PTCD1: variants seen among roughly 807,000 people sequenced by gnomAD.
The protein encoded by PTCD1 is pentatricopeptide repeat-containing protein 1, mitochondrial.
In PTCD1, 50 loss-of-function variants were observed where a neutral mutation model predicts 53.4. The observed-to-expected ratio is 0.94, with a 90% confidence interval of 0.75 to 1.19. PTCD1 has a LOEUF of 1.19. Among genes scored for constraint, PTCD1 ranks in the 50% most tolerant of loss-of-function variants. The pLI is 0.00. For synonymous variants in PTCD1, 413 were observed against 394.8 expected, an observed-to-expected ratio of 1.05 and a Z score of -0.55; for missense variants, 918 against 904.8, an observed-to-expected ratio of 1.01 and a Z score of -0.19.
At chr7:99,424,097 A>G in intron 6 of PTCD1, 140 bp from the exon 7 acceptor site, 1 of 1,219,464 alleles carries the variant, frequency 8.2e-7, no homozygotes, top group Non-Finnish European at 1.2e-6. Context: ...AATGTGCTGA[A>G]TATCCCTCTC....
At chr7:99,427,465 G>A (rs1344299093) in intron 5 of PTCD1, among the ~76,000 whole-genome samples, 11 of 143,000 alleles carry the variant, frequency 7.7e-5, no homozygotes, top group East Asian at 2.2e-4. Flanking sequence ...CAGCCGCCCC[G>A]TCCGGGAGGG....
At chr7:99,433,195 G>A in intron 3 of PTCD1, 83 bp downstream of exon 3, 1 of 1,607,664 alleles carries the variant, frequency 6.2e-7, no homozygotes. Flanking sequence ...CCTGCCCAGT[G>A]TAAAGCACTA....
At position 99,419,984 on chromosome 7, in the gene PTCD1, C is replaced by T. The variant is rs146502089; in HGVS notation, c.2086G>A (p.Ala696Thr). The T allele has an allele frequency of 4.2e-5, 67 of 1,614,106 alleles. No homozygotes were observed. The African/African-American group carries it at 8.4e-4, about 20-fold the overall frequency. ...TGCTCCCATCACCTGCCCCCAAGGGCACATCCGTCATCAGCCTCCTTGCCG... is the reference window on the plus strand; with the variant it reads ...TGCTCCCATCACCTGCCCCCAAGGGTACATCCGTCATCAGCCTCCTTGCCG... The part of the protein sequence containing the change: ...DTGKEADDGC[A>T]LGGR The change falls in exon 8 of 8, where the codon GCC (alanine) becomes ACC (threonine). Residue 696 changes from alanine to threonine, a missense_variant. Physicochemically the swap from Ala to Thr is moderately conservative, Grantham distance 58. Transcript: ENST00000292478.
Position 99,429,137 on chromosome 7 carries a change from T to TG in PTCD1, c.880dup (p.Gln294ProfsTer124). The TG allele has an allele frequency of 2.5e-6, 4 of 1,614,112 alleles. No individual in the cohort carries two copies. The highest frequency in any genetic ancestry group is 3.4e-6 in the Non-Finnish European group (4 of 1,180,024). On this transcript the variant is annotated frameshift_variant, in exon 5 of 8. Coordinates refer to ENST00000292478, the MANE Select transcript of PTCD1 (RefSeq NM_015545.4). LOFTEE classifies it high-confidence loss of function. ...GTACCGGAAGCCTGTCTTCTTGTCT[T>TG]GGATGCAGCCCATGAGCAGGAAACT...
chr7:99,428,574 T>C (rs1796144890), intron 5 of PTCD1, among the ~76,000 whole-genome samples: 1 of 149,794 alleles, frequency 6.7e-6, no homozygotes, highest in Non-Finnish European at 1.5e-5. Context: ...AAACCCCGTC[T>C]CTACTAAAAA....
chr7:99,424,837 G>A lies in PTCD1; in HGVS notation c.1695C>T (p.Cys565=), dbSNP rs747908844. 34 of 1,614,112 alleles carry A rather than the reference G, an allele frequency of 2.1e-5. No homozygotes were observed. The highest frequency in any genetic ancestry group is 5.1e-6 in the Non-Finnish European group (6 of 1,180,046). The part of the protein sequence containing the change: ...LQTFCNLAIG[C]HRPKDGLQLL... ...GCTGTAGACCGTCCTTCGGCCTGTG[G>A]CACCCGATGGCCAGGTTGCAGAATG... The change falls in exon 6 of 8, where the codon TGC becomes TGT. Residue 565 remains cysteine, a synonymous_variant. Coordinates refer to ENST00000292478, the MANE Select transcript of PTCD1 (RefSeq NM_015545.4).
In PTCD1 at chr7:99,425,079, G is replaced by C. The variant is rs1795965040; in HGVS notation, c.1453C>G (p.Pro485Ala). Residue 485 changes from proline (P) to alanine (A), a missense_variant, in exon 6 of 8, where the codon CCC becomes GCC. By Grantham distance (27) the Pro-to-Ala change is conservative. Coordinates refer to ENST00000292478, the MANE Select transcript of PTCD1 (RefSeq NM_015545.4). ...LSKMAEHRQQ[P>A]DIRTLTLLAE... The stretch of plus-strand genomic sequence containing the variant: ...AGTAGCGTGAGGGTCCTGATGTCGG[G>C]CTGCTGCCTGTGCTCTGCCATCTTG... 6.2e-7 allele frequency: 1 copy of C among 1,614,040 alleles called. No homozygotes were observed. The highest frequency in any genetic ancestry group is 2.2e-5 in the East Asian group (1 of 44,878).
chr7:99,417,841 C>T lies in PTCD1; in HGVS notation c.*2126G>A. 17 of 1,450,134 alleles carry T rather than the reference C, an allele frequency of 1.2e-5. No individual in the cohort carries two copies. Among genetic ancestry groups the T allele is most frequent in the Non-Finnish European group, 1.5e-5 (17 of 1,101,132 alleles). The allele number at this position is 1,450,134 out of a possible 1,614,324, so 89.8% of individuals were successfully genotyped here. On this transcript the variant is annotated 3_prime_UTR_variant, in exon 8 of 8. Transcript: ENST00000292478. The stretch of plus-strand genomic sequence containing the variant: ...TTTGGGCAAATTACTGAACCCCTTT[C>T]CTCACTTAGGAAATGGTGGTGGGGA...
At position 99,417,367 on chromosome 7, in the gene PTCD1, G is replaced by C. The variant is rs1359268256; in HGVS notation, c.*2600C>G. 6.4e-7 allele frequency: 1 copy of C among 1,566,638 alleles called. No individual in the cohort carries two copies. Among genetic ancestry groups the C allele is most frequent in the Admixed American group, 1.7e-5 (1 of 59,412 alleles). ...TGCACCCGGCCTGAATGCTTTTTTTGATCAAGGGTGGGGAAGGTTTTTAGA... is the reference window on the plus strand; with the variant it reads ...TGCACCCGGCCTGAATGCTTTTTTTCATCAAGGGTGGGGAAGGTTTTTAGA... On this transcript the variant is annotated 3_prime_UTR_variant, in exon 8 of 8. Transcript: ENST00000292478.
At chr7:99,421,080 T>C (rs1795792849) in intron 7 of PTCD1, among the ~76,000 whole-genome samples, 1 of 152,106 alleles carries the variant, frequency 6.6e-6, no homozygotes, top group African/African-American at 2.4e-5. Flanking sequence ...TCCACCATCA[T>C]GAGGGAATAT....
intron 2 of PTCD1, among the ~76,000 whole-genome samples, chr7:99,434,511 T>C (rs1796384613): frequency 6.6e-6 from 1 of 151,048 alleles, no homozygotes; most frequent in East Asian, 1.9e-4. Flanking sequence ...TTTTTCCTTT[T>C]TTTTTTTTTG....
chr7:99,426,480 G>A (rs891294586), intron 5 of PTCD1, among the ~76,000 whole-genome samples: 1 of 152,158 alleles, frequency 6.6e-6, no homozygotes, highest in African/African-American at 2.4e-5. Flanking sequence ...ACGGAGTCTC[G>A]TTCACTCAGT....
chr7:99,425,872 GC>G (rs1795994226), intron 5 of PTCD1, among the ~76,000 whole-genome samples: 1 of 152,174 alleles, frequency 6.6e-6, no homozygotes, highest in Admixed American at 6.5e-5. Flanking sequence ...TTCGAGACCA[GC>G]CCGACCAACA....
chr7:99,428,645 G>GT (rs1387571719), intron 5 of PTCD1, among the ~76,000 whole-genome samples: 1 of 152,018 alleles, frequency 6.6e-6, no homozygotes, highest in Non-Finnish European at 1.5e-5. Flanking sequence ...GGAGGCTGAG[G>GT]CAGGAGTATC....
In PTCD1 at chr7:99,417,374, G is replaced by T. The variant is rs1403018441; in HGVS notation, c.*2593C>A. 2.5e-6 allele frequency: 4 copies of T among 1,579,030 alleles called. No homozygotes were observed. The highest frequency in any genetic ancestry group is 1.7e-5 in the Admixed American group (1 of 59,766). ...GGCCTGAATGCTTTTTTTGATCAAG[G>T]GTGGGGAAGGTTTTTAGACCATGGC... On this transcript the variant is annotated 3_prime_UTR_variant, in exon 8 of 8. Transcript: ENST00000292478.
chr7:99,424,281 G>A (rs1448094064), intron 6 of PTCD1, among the ~76,000 whole-genome samples: 1 of 152,212 alleles, frequency 6.6e-6, no homozygotes, highest in Non-Finnish European at 1.5e-5. Context: ...GTGGTGGTTG[G>A]CCTAGAAAAG....
chr7:99,420,329 C>G (rs902408816), intron 7 of PTCD1, among the ~76,000 whole-genome samples, 180 bp from the exon 8 acceptor site: 1 of 152,170 alleles, frequency 6.6e-6, no homozygotes, highest in Non-Finnish European at 1.5e-5. Flanking sequence ...TTCAGAGAAA[C>G]AGGTCCCCGC....
rs1562833314 is a variant in PTCD1, at chr7:99,417,444, G to GT, written c.*2522dup. 1 of 1,613,928 alleles carries GT rather than the reference G, an allele frequency of 6.2e-7. No individual in the cohort carries two copies. Among genetic ancestry groups the GT allele is most frequent in the Admixed American group, 1.7e-5 (1 of 59,970 alleles). ...TTTTTGACAGAACTCTATGAATATT[G>GT]TATTAAAGAAGGCTATGCAGACAAA... On this transcript the variant is annotated 3_prime_UTR_variant, in exon 8 of 8. Coordinates refer to ENST00000292478, the MANE Select transcript of PTCD1 (RefSeq NM_015545.4).
chr7:99,417,820 G>A lies in PTCD1; in HGVS notation c.*2147C>T. ...GGGGTCAATCTCAACTCCACTTTTG[G>A]GCAAATTACTGAACCCCTTTCCTCA... On this transcript the variant is annotated 3_prime_UTR_variant, in exon 8 of 8. Coordinates refer to ENST00000292478, the MANE Select transcript of PTCD1 (RefSeq NM_015545.4). 1 of 1,494,142 alleles carries A rather than the reference G, an allele frequency of 6.7e-7. No homozygotes were observed. Among genetic ancestry groups the A allele is most frequent in the Non-Finnish European group, 8.9e-7 (1 of 1,125,290 alleles). 92.6% of individuals were successfully genotyped at this position (1,494,142 alleles called of 1,614,324 possible). A position where few individuals can be genotyped will look rare whatever the true frequency, so the allele number is the denominator to read the frequency against.
Sources: gnomAD v4.1 joint callset for allele counts (sites outside exome capture counted in the v4.1 genomes callset) on GRCh38, gnomAD v4.1.1 for gene constraint, MANE v1.5 for transcripts, NCBI Gene and HGNC (gene_info 2026-07-23, HGNC 2026-07-21) for gene names.